Variants in MXD3 observed in about 807,000 individuals in gnomAD.
MXD3 encodes the protein Max-associated protein 3.
A neutral mutation model predicts 27.5 loss-of-function variants in MXD3; 20 were observed. The ratio of observed to expected loss-of-function variants is 0.73; its 90% confidence interval spans 0.51 to 1.06. The LOEUF is 1.06. Ranked by LOEUF, MXD3 falls within the 50% of genes least tolerant of loss-of-function variation. The probability of loss-of-function intolerance (pLI) is 0.00; values close to 1 mark genes in which losing one functional copy is unlikely to be tolerated. For synonymous variants in MXD3, 150 were observed against 130.7 expected, an observed-to-expected ratio of 1.15 and a Z score of -1.01; for missense variants, 298 against 291.3, an observed-to-expected ratio of 1.02 and a Z score of -0.17.
At chr5:177,306,270 C>G, downstream of MXD3, 4 of 1,559,058 alleles carry the variant, frequency 2.6e-6, no homozygotes, top group Non-Finnish European at 3.5e-6. Flanking sequence ...CTGCTCTGAG[C>G]TGGGACTCCT....
At chr5:177,312,575 A>AGCCT (rs1761063689), upstream of MXD3, 1 of 985,326 alleles carries the variant, frequency 1.0e-6, no homozygotes, top group African/African-American at 1.7e-5. Flanking sequence ...TCTGTCCCCA[A>AGCCT]GCCTGCCTGC....
Position 177,307,524 on chromosome 5 carries a change from G to T in MXD3, c.*64C>A. ...GAGCAGCCCTGAAGGCTTGGGGAGG[G>T]CTCCTGCCTGGCAAGTGGGCCTGGC... On this transcript the variant is annotated 3_prime_UTR_variant, in exon 6 of 6. Transcript: ENST00000439742. 6.3e-7 allele frequency: 1 copy of T among 1,580,982 alleles called. No homozygotes were observed. Among genetic ancestry groups the T allele is most frequent in the Non-Finnish European group, 8.6e-7 (1 of 1,165,884 alleles).
At position 177,311,870 on chromosome 5, in the gene MXD3, C is replaced by A; in HGVS notation, c.-40G>T. 6.3e-7 allele frequency: 1 copy of A among 1,597,670 alleles called. No individual in the cohort carries two copies. Among genetic ancestry groups the A allele is most frequent in the East Asian group, 2.3e-5 (1 of 44,294 alleles). On this transcript the variant is annotated 5_prime_UTR_variant, in exon 1 of 6. Transcript: ENST00000439742. ...GCGGCGGGCCGGCCTAGGGTGCCGG[C>A]CGGAGCAAGCGGCTGCAGCACTTTT...
At chr5:177,308,108 T>C in intron 4 of MXD3, 144 bp from the exon 5 acceptor site, 1 of 730,528 alleles carries the variant, frequency 1.4e-6, no homozygotes, top group Admixed American at 3.0e-5. Flanking sequence ...CCCAGAGGGT[T>C]GCACCCACAT....
At position 177,311,373 on chromosome 5, in the gene MXD3, C is replaced by A. The variant is rs972560203; in HGVS notation, c.176+6G>T. On this transcript the variant is annotated splice_donor_region_variant and intron_variant, in intron 2 of 5. Transcript: ENST00000439742. Reference sequence around the variant, plus strand: ...CCCCCACTCCCGCCGCCCCCGGCCTCCTCACCGCCCGCTGTCCTGCGCGCC... The same window carrying A: ...CCCCCACTCCCGCCGCCCCCGGCCTACTCACCGCCCGCTGTCCTGCGCGCC... 5.8e-5 allele frequency: 83 copies of A among 1,436,386 alleles called. No homozygotes were observed. The highest frequency in any genetic ancestry group is 7.3e-5 in the Non-Finnish European group (81 of 1,102,206). 89.0% of individuals were successfully genotyped at this position (1,436,386 alleles called of 1,614,324 possible). A position where few individuals can be genotyped will look rare whatever the true frequency, so the allele number is the denominator to read the frequency against.
At chr5:177,305,560 G>A (rs1309474916), downstream of MXD3, 2 of 339,408 alleles carry the variant, frequency 5.9e-6, no homozygotes, top group South Asian at 3.0e-5. Flanking sequence ...GGTGGAAGGC[G>A]GCTAAAACAC....
upstream of MXD3, chr5:177,312,094 G>C (rs1372741777): frequency 1.7e-6 from 2 of 1,163,598 alleles, no homozygotes; most frequent in Non-Finnish European, 2.1e-6. Flanking sequence ...CTCCAGGCCT[G>C]GCCCTGGAGC....
chr5:177,307,527 C>T lies in MXD3; in HGVS notation c.*61G>A. The T allele has an allele frequency of 6.3e-7, 1 of 1,584,880 alleles. No individual in the cohort carries two copies. Among genetic ancestry groups the T allele is most frequent in the Non-Finnish European group, 8.6e-7 (1 of 1,167,860 alleles). On this transcript the variant is annotated 3_prime_UTR_variant, in exon 6 of 6. Coordinates refer to ENST00000439742, the MANE Select transcript of MXD3 (RefSeq NM_031300.4). The stretch of plus-strand genomic sequence containing the variant: ...CAGCCCTGAAGGCTTGGGGAGGGCT[C>T]CTGCCTGGCAAGTGGGCCTGGCACG...
chr5:177,306,258 C>T (rs2127299534), downstream of MXD3: 1 of 1,565,318 alleles, frequency 6.4e-7, no homozygotes, highest in Non-Finnish European at 8.8e-7. Context: ...TTAGTCATTG[C>T]CCTGCTCTGA....
intron 1 of MXD3, 65 bp from the exon 2 acceptor site, chr5:177,311,549 G>A: frequency 7.7e-7 from 1 of 1,296,202 alleles, no homozygotes. Context: ...GCAGCCCCAG[G>A]CACAGCACGG....
In MXD3 at chr5:177,311,453, C is replaced by T. The variant is rs761252798; in HGVS notation, c.102G>A (p.Pro34=). Residue 34 remains proline (P), a synonymous_variant, in exon 2 of 6, where the codon CCG becomes CCA. Coordinates refer to ENST00000439742, the MANE Select transcript of MXD3 (RefSeq NM_031300.4). ...EAEHGYASLC[P]HRSPGPIHRR... ...TGTGGATGGGGCCTGGACTGCGATGCGGGCACAGGGACGCATAACCATGCT... is the reference window on the plus strand; with the variant it reads ...TGTGGATGGGGCCTGGACTGCGATGTGGGCACAGGGACGCATAACCATGCT... 1.7e-5 allele frequency: 24 copies of T among 1,432,472 alleles called. No homozygotes were observed. The highest frequency in any genetic ancestry group is 3.4e-5 in the Admixed American group (1 of 29,814). 88.7% of individuals were successfully genotyped at this position (1,432,472 alleles called of 1,614,324 possible).
rs1393107655 is a variant in MXD3 at position 177,307,764 on chromosome 5, A to G, written c.505+17T>C. On this transcript the variant is annotated intron_variant, in intron 5 of 5. Transcript: ENST00000439742. ...CGCCCCGAGGGCCACACAACCCCTC[A>G]GCCTCGGGGCACTCACCTTGGTCTG... 1.2e-6 allele frequency: 2 copies of G among 1,613,096 alleles called. No homozygotes were observed. The highest frequency in any genetic ancestry group is 1.7e-5 in the Admixed American group (1 of 59,980).
chr5:177,307,317 G>T lies in MXD3; in HGVS notation c.*271C>A. 7.1e-6 allele frequency: 11 copies of T among 1,546,822 alleles called. No homozygotes were observed. The highest frequency in any genetic ancestry group is 9.6e-6 in the Non-Finnish European group (11 of 1,143,786). On this transcript the variant is annotated 3_prime_UTR_variant, in exon 6 of 6. Transcript: ENST00000439742. ...CCAAGAGGCTTCCTGTCCCCTTGGG[G>T]GCAGCAGAGCCAAATGCTTGGGCTC...
downstream of MXD3, chr5:177,307,118 G>A: frequency 6.6e-7 from 1 of 1,511,102 alleles, no homozygotes; most frequent in South Asian, 1.3e-5. Flanking sequence ...GGCCAACAGT[G>A]TCAGTGATGG....
upstream of MXD3, chr5:177,312,346 C>A: frequency 1.0e-6 from 1 of 985,938 alleles, no homozygotes; most frequent in South Asian, 4.6e-5. Flanking sequence ...TCAAGGATCG[C>A]TGTTGTCATC....
intron 1 of MXD3, 73 bp from the exon 2 acceptor site, chr5:177,311,557 C>A (rs1468696217): frequency 1.6e-6 from 2 of 1,282,236 alleles, no homozygotes; most frequent in African/African-American, 1.5e-5. Context: ...AGGCACAGCA[C>A]GGTCAAGGAA....
downstream of MXD3, chr5:177,306,924 C>T (rs987265998): frequency 5.7e-5 from 46 of 811,910 alleles, no homozygotes; most frequent in Non-Finnish European, 8.1e-5. Context: ...ACATAATAGA[C>T]ACTCAATAAA....
intron 1 of MXD3, 75 bp from the exon 2 acceptor site, chr5:177,311,559 G>A: frequency 7.9e-7 from 1 of 1,270,742 alleles, no homozygotes; most frequent in Non-Finnish European, 1.1e-6. Context: ...GCACAGCACG[G>A]TCAAGGAAAG....
chr5:177,311,748 G>A lies in MXD3; in HGVS notation c.70+13C>T. ...GGTCGCCGCCCGGAATTCAGCCAAG[G>A]GTCCTTCCTCACCTCTCTCACGGCG... On this transcript the variant is annotated intron_variant, in intron 1 of 5. Transcript: ENST00000439742. 6.2e-7 allele frequency: 1 copy of A among 1,612,276 alleles called. No individual in the cohort carries two copies. Among genetic ancestry groups the A allele is most frequent in the South Asian group, 1.1e-5 (1 of 90,612 alleles).
Sources: allele counts gnomAD v4.1 joint callset, GRCh38; gene constraint gnomAD v4.1.1; transcripts MANE v1.5; gene names NCBI Gene and HGNC (gene_info 2026-07-23, HGNC 2026-07-21).